The following UNC93A variants were observed in gnomAD, a reference collection of about 807,000 sequenced individuals.
UNC93A encodes the protein N-acetylglucosamine transporter UNC93A.
Under a neutral mutation model 47.5 loss-of-function variants are expected in UNC93A, and 43 were observed. The ratio of observed to expected loss-of-function variants is 0.91; its 90% CI spans 0.71 to 1.17. The LOEUF (loss-of-function observed/expected upper bound fraction) is 1.17, where lower values mean the gene tolerates loss of function less well. Ranked by LOEUF, UNC93A falls within the 50% of genes most tolerant of loss-of-function variation. UNC93A has a pLI of 0.00. For missense variants in UNC93A, 605 were observed against 577.6 expected (o/e 1.05, Z -0.49); for synonymous variants, 280 against 258.0 (o/e 1.09, Z -0.82).
intron 1 of UNC93A, among the ~76,000 whole-genome samples, chr6:167,276,747 C>G (rs1783550176): frequency 6.6e-6 from 1 of 151,016 alleles, no homozygotes; most frequent in Admixed American, 6.6e-5. Context: ...TTTGTCCTCC[C>G]TTTCTCAAGT....
At chr6:167,297,262 G>A (rs774566344) in intron 3 of UNC93A, among the ~76,000 whole-genome samples, 1 of 152,184 alleles carries the variant, frequency 6.6e-6, no homozygotes, top group Non-Finnish European at 1.5e-5. Flanking sequence ...GGAGGGCGTC[G>A]TGTGCTTCTC....
intron 1 of UNC93A, among the ~76,000 whole-genome samples, chr6:167,281,594 T>A (rs1368519611): frequency 6.6e-6 from 1 of 152,018 alleles, no homozygotes; most frequent in African/African-American, 2.4e-5. Context: ...GCCCATAAAT[T>A]GTGTATCTTT....
At chr6:167,310,926 C>T (rs994506182) in intron 7 of UNC93A, among the ~76,000 whole-genome samples, 2 of 152,280 alleles carry the variant, frequency 1.3e-5, no homozygotes, top group South Asian at 4.1e-4. Flanking sequence ...TTGAGAAGCT[C>T]CTGTGGACTT....
upstream of UNC93A, among the ~76,000 whole-genome samples, chr6:167,269,058 A>G (rs984990965): frequency 6.6e-6 from 1 of 152,216 alleles, no homozygotes. Flanking sequence ...GACCAGGACG[A>G]AGCAGCTGGA....
Position 167,296,015 on chromosome 6 carries a change from C to T in UNC93A, c.270-17C>T, listed in dbSNP as rs2115127168. The T allele has an allele frequency of 6.2e-7, 1 of 1,611,778 alleles. No homozygotes were observed. The highest frequency in any genetic ancestry group is 2.2e-5 in the East Asian group (1 of 44,844). On this transcript the variant is annotated splice_polypyrimidine_tract_variant and intron_variant, in intron 2 of 7. Coordinates refer to ENST00000230256, the MANE Select transcript of UNC93A (RefSeq NM_018974.4). ...GCGTCTCCTGTTACAGGCTATGGGT[C>T]TGCATTTTACCCACAGGTACACTTT...
upstream of UNC93A, among the ~76,000 whole-genome samples, chr6:167,286,386 C>T (rs990986100): frequency 6.6e-6 from 1 of 152,200 alleles, no homozygotes. Context: ...TGAAAAGAGG[C>T]GGTCATTGCA....
At chr6:167,306,319 G>A (rs559476398) in intron 6 of UNC93A, among the ~76,000 whole-genome samples, 5 of 152,334 alleles carry the variant, frequency 3.3e-5, no homozygotes, top group African/African-American at 9.6e-5. Flanking sequence ...ACTCGGTGTG[G>A]TGACCAGGCC....
intron 1 of UNC93A, among the ~76,000 whole-genome samples, chr6:167,272,356 G>A (rs557820636): frequency 2.0e-5 from 3 of 152,328 alleles, no homozygotes; most frequent in East Asian, 3.9e-4. Context: ...TAGAGCACAC[G>A]TCCAAAGATA....
rs748663025 is a variant in UNC93A at position 167,296,229 on chromosome 6, C to T, written c.467C>T (p.Ser156Leu). 3 of 1,614,220 alleles carry T rather than the reference C, an allele frequency of 1.9e-6. No homozygotes were observed. Among genetic ancestry groups the T allele is most frequent in the East Asian group, 2.2e-5 (1 of 44,886 alleles). Residue 156 changes from serine (S) to leucine (L), a missense_variant, in exon 3 of 8, where the codon TCA becomes TTA. By Grantham distance (145) the Ser-to-Leu change is moderately radical. Transcript: ENST00000230256. The part of the protein sequence containing the change: ...QSSGVWGNLI[S>L]SLVFGQTPSQ... Reference sequence around the variant, plus strand: ...TCCGGTGTGTGGGGCAACTTGATCTCATCGCTGGTATTTGGCCAGACTCCC... The same window carrying T: ...TCCGGTGTGTGGGGCAACTTGATCTTATCGCTGGTATTTGGCCAGACTCCC...
chr6:167,291,639 A>G, intron 1 of UNC93A, 63 bp downstream of exon 1: 1 of 1,477,874 alleles, frequency 6.8e-7, no homozygotes, highest in South Asian at 1.2e-5. Context: ...CTGTGGTCAC[A>G]GACAATAATG....
At chr6:167,309,755 A>C (rs1402426090) in intron 7 of UNC93A, among the ~76,000 whole-genome samples, 2 of 152,192 alleles carry the variant, frequency 1.3e-5, no homozygotes, top group African/African-American at 4.8e-5. Context: ...GCGTATCCAC[A>C]GGACAGCTGA....
At chr6:167,296,856 AG>A (rs1583077413) in intron 3 of UNC93A, among the ~76,000 whole-genome samples, 1 of 152,310 alleles carries the variant, frequency 6.6e-6, no homozygotes, top group East Asian at 1.9e-4. Context: ...TCATGCTTAC[AG>A]GAAAACTTTC....
chr6:167,298,130 TG>T, intron 4 of UNC93A, 60 bp downstream of exon 4: 1 of 1,568,046 alleles, frequency 6.4e-7, no homozygotes. Flanking sequence ...GCCTCCTTCC[TG>T]GGCTGACAAA....
intron 1 of UNC93A, among the ~76,000 whole-genome samples, chr6:167,284,882 C>A (rs1783696333): frequency 6.6e-6 from 1 of 151,604 alleles, no homozygotes; most frequent in Non-Finnish European, 1.5e-5. Context: ...GGGTCCTTAC[C>A]TTGGGAACGC....
rs188107369 is a variant in UNC93A at position 167,298,843 on chromosome 6, G to A, written c.625+773G>A. On this transcript the variant is annotated intron_variant, in intron 4 of 7. Transcript: ENST00000230256. ...ATATTTTTTTTTTTGGCTGGGCATG[G>A]TGGCTCACACCTGTAATCTCAGCAC... Among the ~76,000 whole-genome samples, 40 of 151,724 alleles carry A rather than the reference G, an allele frequency of 2.6e-4. 1 individual carries two copies. The highest frequency in any genetic ancestry group is 9.7e-4 in the African/African-American group (40 of 41,388).
At chr6:167,308,035 G>T in intron 7 of UNC93A, 125 bp downstream of exon 7, 1 of 1,299,380 alleles carries the variant, frequency 7.7e-7, no homozygotes, top group South Asian at 1.5e-5. Context: ...AGAGACGGGA[G>T]GGCCAAGAGG....
intron 5 of UNC93A, among the ~76,000 whole-genome samples, chr6:167,305,353 C>T (rs1778354077): frequency 6.6e-6 from 1 of 152,178 alleles, no homozygotes; most frequent in South Asian, 2.1e-4. Context: ...TCCTGCTCCT[C>T]CACTGGACTT....
chr6:167,294,837 C>G (rs1470841277), intron 2 of UNC93A, 139 bp downstream of exon 2: 2 of 933,320 alleles, frequency 2.1e-6, no homozygotes, highest in South Asian at 1.7e-5. Flanking sequence ...GCCCCTGCAC[C>G]CCCGCCTCGC....
At chr6:167,301,697 G>A (rs1331964699) in intron 4 of UNC93A, among the ~76,000 whole-genome samples, 3 of 152,128 alleles carry the variant, frequency 2.0e-5, no homozygotes, top group East Asian at 1.9e-4. Flanking sequence ...CAAGGCTTTC[G>A]GGGAGATTGT....
Sources: allele counts gnomAD v4.1 joint callset (sites outside exome capture counted in the v4.1 genomes callset), GRCh38; gene constraint gnomAD v4.1.1; transcripts MANE v1.5; gene names NCBI Gene and HGNC (gene_info 2026-07-23, HGNC 2026-07-21).